BRINP3: variants seen among roughly 807,000 people sequenced by gnomAD.
BRINP3 encodes the protein BMP/retinoic acid inducible neural specific 3, also known as BMP/retinoic acid-inducible neural-specific protein 3.
Under a neutral mutation model 71.0 loss-of-function variants are expected in BRINP3, and 19 were observed. The observed-to-expected ratio is 0.27, with a 90% CI of 0.19 to 0.39. The LOEUF is 0.39. Among genes scored for constraint, BRINP3 ranks in the 10% least tolerant of loss-of-function variants. The pLI, the probability that BRINP3 is intolerant of heterozygous loss-of-function variation, is 1.00. For missense variants in BRINP3, 959 were observed against 940.8 expected, an observed-to-expected ratio of 1.02 and a Z score of -0.25; for synonymous variants, 380 against 337.7, an observed-to-expected ratio of 1.13 and a Z score of -1.37.
intron 6 of BRINP3, among the ~76,000 whole-genome samples, chr1:190,221,961 A>T (rs547899482): frequency 1.2e-4 from 19 of 152,094 alleles, no homozygotes; most frequent in Non-Finnish European, 2.2e-4. Context: ...CTATAATAAA[A>T]TAACAGCAGG....
chr1:190,152,928 C>T (rs1266475325), intron 7 of BRINP3, among the ~76,000 whole-genome samples: 1 of 151,872 alleles, frequency 6.6e-6, no homozygotes, highest in African/African-American at 2.4e-5. Flanking sequence ...TCACAACTGT[C>T]TAAGATATAA....
intron 6 of BRINP3, among the ~76,000 whole-genome samples, chr1:190,177,017 G>A (rs148933590): frequency 6.6e-6 from 1 of 151,990 alleles, no homozygotes; most frequent in Admixed American, 6.6e-5. Flanking sequence ...GGCCTCCCTT[G>A]CAAGTAATTG....
At chr1:190,275,974 G>GAC (rs1662519910) in intron 3 of BRINP3, among the ~76,000 whole-genome samples, 1 of 150,980 alleles carries the variant, frequency 6.6e-6, no homozygotes, top group South Asian at 2.1e-4. Context: ...GAGAGAGAGA[G>GAC]ACAGAAAGAG....
At chr1:190,314,558 TG>T (rs1191292273) in intron 2 of BRINP3, among the ~76,000 whole-genome samples, 1 of 152,160 alleles carries the variant, frequency 6.6e-6, no homozygotes, top group Non-Finnish European at 1.5e-5. Context: ...GCTGGACTAA[TG>T]GGGGCATTAG....
At chr1:190,399,179 G>A (rs1180256227) in intron 2 of BRINP3, among the ~76,000 whole-genome samples, 1 of 151,898 alleles carries the variant, frequency 6.6e-6, no homozygotes, top group South Asian at 2.1e-4. Context: ...GCTAGGTATA[G>A]GTGAATAGAA....
intron 4 of BRINP3, among the ~76,000 whole-genome samples, chr1:190,257,931 T>A (rs775502343): frequency 6.6e-6 from 1 of 152,148 alleles, no homozygotes; most frequent in Non-Finnish European, 1.5e-5. Flanking sequence ...TTAGGCTACA[T>A]GGGGGGTCAG....
At chr1:190,416,400 G>A (rs1298371595) in intron 2 of BRINP3, among the ~76,000 whole-genome samples, 2 of 152,068 alleles carry the variant, frequency 1.3e-5, no homozygotes, top group Non-Finnish European at 2.9e-5. Flanking sequence ...AGAGCCCCAT[G>A]AGAGAAAAAA....
Position 190,120,431 on chromosome 1 carries a change from T to C in BRINP3, c.1185-21297A>G, listed in dbSNP as rs148848598. Among the ~76,000 whole-genome samples, 715 of 152,292 alleles carry C rather than the reference T, an allele frequency of 4.7e-3. 4 individuals are homozygous for C. The highest frequency in any genetic ancestry group is 7.5e-3 in the Non-Finnish European group (513 of 68,020). On this transcript the variant is annotated intron_variant, in intron 7 of 7. Transcript: ENST00000367462. Reference sequence around the variant, plus strand: ...TAATATTGTCATATAACTACTGTTTTCTTATAATGTCAAGCATTTAAATAC... The same window carrying C: ...TAATATTGTCATATAACTACTGTTTCCTTATAATGTCAAGCATTTAAATAC...
At chr1:190,131,581 T>C (rs565831266) in intron 7 of BRINP3, among the ~76,000 whole-genome samples, 7 of 152,198 alleles carry the variant, frequency 4.6e-5, no homozygotes, top group African/African-American at 1.7e-4. Context: ...TGAAAAACTT[T>C]GTCATCTGTA....
At chr1:190,111,678 C>T (rs1285933761) in intron 7 of BRINP3, among the ~76,000 whole-genome samples, 2 of 152,132 alleles carry the variant, frequency 1.3e-5, no homozygotes, top group African/African-American at 4.8e-5. Flanking sequence ...TTCTGCTACT[C>T]ACCCTGAAAA....
At chr1:190,255,346 T>A (rs763841478) in intron 4 of BRINP3, among the ~76,000 whole-genome samples, 95 of 152,132 alleles carry the variant, frequency 6.2e-4, no homozygotes, top group Non-Finnish European at 1.1e-3. Flanking sequence ...TGGAATGGTT[T>A]CAGAAGGAAT....
intron 4 of BRINP3, among the ~76,000 whole-genome samples, chr1:190,248,182 T>G (rs1021132433): frequency 2.6e-5 from 4 of 151,874 alleles, no homozygotes; most frequent in African/African-American, 9.7e-5. Context: ...CCTCTTGCTA[T>G]TAGATTCGTG....
chr1:190,448,964 A>G (rs1161528203), intron 2 of BRINP3, among the ~76,000 whole-genome samples: 1 of 151,966 alleles, frequency 6.6e-6, no homozygotes, highest in Non-Finnish European at 1.5e-5. Flanking sequence ...AAATGGAAAT[A>G]TTAATAAATT....
rs1419226549 is a variant in BRINP3, at chr1:190,301,220, T to TAC, written c.237-19471_237-19470insGT. On this transcript the variant is annotated intron_variant, in intron 2 of 7. Transcript: ENST00000367462. ...ATACACATACATATATATATATATA[T>TAC]ATATATATATATATACACACATACA... Among the ~76,000 whole-genome samples the TAC allele has an allele frequency of 5.9e-5, 7 of 118,052 alleles. No individual in the cohort carries two copies. In the East Asian group the frequency reaches 7.3e-4, roughly 12 times the overall value. 77.4% of individuals were successfully genotyped at this position (118,052 alleles called of 152,430 possible).
intron 7 of BRINP3, among the ~76,000 whole-genome samples, chr1:190,145,961 C>A (rs865829969): frequency 1.3e-5 from 2 of 152,062 alleles, no homozygotes; most frequent in South Asian, 2.1e-4. Context: ...AATGGAAAAA[C>A]CAAATATCAT....
chr1:190,450,199 T>G (rs1363633514), intron 2 of BRINP3, among the ~76,000 whole-genome samples: 3 of 152,096 alleles, frequency 2.0e-5, no homozygotes, highest in Non-Finnish European at 4.4e-5. Flanking sequence ...AAGTTGCTAT[T>G]AGGATCCAAC....
At chr1:190,468,263 T>C (rs1177601355) in intron 1 of BRINP3, among the ~76,000 whole-genome samples, 1 of 151,316 alleles carries the variant, frequency 6.6e-6, no homozygotes, top group Non-Finnish European at 1.5e-5. Context: ...TTACTAAAGA[T>C]TATTAAAAAG....
At chr1:190,372,500 G>A (rs1477842083) in intron 2 of BRINP3, among the ~76,000 whole-genome samples, 3 of 152,174 alleles carry the variant, frequency 2.0e-5, no homozygotes, top group African/African-American at 7.2e-5. Context: ...GGTTCTGACT[G>A]TCACAAGATC....
At chr1:190,198,291 C>A (rs1293632771) in intron 6 of BRINP3, among the ~76,000 whole-genome samples, 1 of 152,164 alleles carries the variant, frequency 6.6e-6, no homozygotes, top group Non-Finnish European at 1.5e-5. Flanking sequence ...GAGACATTTT[C>A]CTCATTGTCT....
Sources: gnomAD v4.1 joint callset for allele counts (sites outside exome capture counted in the v4.1 genomes callset) on GRCh38, gnomAD v4.1.1 for gene constraint, MANE v1.5 for transcripts, NCBI Gene and HGNC (gene_info 2026-07-23, HGNC 2026-07-21) for gene names.